The following ARID1B variants were observed in gnomAD, a reference collection of about 807,000 sequenced individuals.
ARID1B encodes the protein AT-rich interaction domain 1B, also known as AT-rich interactive domain-containing protein 1B.
ARID1B carries 30 observed loss-of-function variants against 212.3 expected under a neutral mutation model. That is an observed-to-expected ratio of 0.14 (90% CI 0.11 to 0.19). The LOEUF (loss-of-function observed/expected upper bound fraction) is 0.19. Ranked by LOEUF, ARID1B falls within the 10% of genes least tolerant of loss-of-function variation. The pLI is 1.00. For missense variants in ARID1B, 2,891 were observed against 3,204.0 expected (o/e 0.90, Z 2.36); for synonymous variants, 1,402 against 1,301.7 (o/e 1.08, Z -1.66).
Position 156,901,533 on chromosome 6 carries a change from C to T in ARID1B, c.2136+8C>T. The stretch of plus-strand genomic sequence containing the variant: ...AGGTACCAGCCGCAGCAGGTGAGCA[C>T]AGTGCACTGCCCCGCAGGGCCCTGT... On this transcript the variant is annotated splice_region_variant and intron_variant, in intron 3 of 19. Transcript: ENST00000636930. The T allele has an allele frequency of 6.2e-7, 1 of 1,612,406 alleles. No homozygotes were observed. Among genetic ancestry groups the T allele is most frequent in the Non-Finnish European group, 8.5e-7 (1 of 1,179,510 alleles).
At chr6:157,180,757 G>T (rs527597660) in intron 11 of ARID1B, among the ~76,000 whole-genome samples, 1 of 152,242 alleles carries the variant, frequency 6.6e-6, no homozygotes, top group East Asian at 1.9e-4. Flanking sequence ...GGGAGTTTGG[G>T]CCTTTTATTT....
intron 8 of ARID1B, among the ~76,000 whole-genome samples, chr6:157,160,029 A>G (rs1231971967): frequency 6.6e-6 from 1 of 152,250 alleles, no homozygotes; most frequent in Non-Finnish European, 1.5e-5. Flanking sequence ...GAGCTGGAAG[A>G]TAACTGGTAG....
intron 2 of ARID1B, among the ~76,000 whole-genome samples, chr6:156,860,422 A>AG (rs1785249153): frequency 6.6e-6 from 1 of 152,160 alleles, no homozygotes; most frequent in Admixed American, 6.5e-5. Flanking sequence ...GAAACAGGAC[A>AG]GAAGCCTGTT....
At chr6:157,127,535 G>T (rs1788212709) in intron 6 of ARID1B, among the ~76,000 whole-genome samples, 1 of 151,806 alleles carries the variant, frequency 6.6e-6, no homozygotes, top group Admixed American at 6.6e-5. Flanking sequence ...ACTTTGGGAG[G>T]CCGAGGTGGG....
chr6:156,780,456 G>A (rs998477583), intron 1 of ARID1B: 1 of 152,232 alleles, frequency 6.6e-6, no homozygotes, highest in African/African-American at 2.4e-5. Flanking sequence ...AGACTGACTT[G>A]ATCTCCTTTG....
rs2128326059 is a variant in ARID1B at position 157,184,426 on chromosome 6, C to A, written c.3910C>A (p.Pro1304Thr). ...CAAAAAGCAGCCCAAGCTCCAGCCG[C>A]CATCTCCTGGTAAGTGGCGGCGCTG... is the stretch of plus-strand genomic sequence containing the variant. Reference protein sequence around the residue: ...DTKKQPKLQPPSPANSGSLQG... With the variant: ...DTKKQPKLQPTSPANSGSLQG... The change falls in exon 13 of 20, where the codon CCA (proline) becomes ACA (threonine). Residue 1304 changes from proline (P) to threonine (T), a missense_variant. By Grantham distance (38) the Pro-to-Thr change is conservative (BLOSUM62 -1). Transcript: ENST00000636930. The A allele has an allele frequency of 6.2e-7, 1 of 1,614,064 alleles. No homozygotes were observed. The highest frequency in any genetic ancestry group is 1.1e-5 in the South Asian group (1 of 91,082).
At chr6:157,013,618 C>G (rs890369631) in intron 4 of ARID1B, among the ~76,000 whole-genome samples, 1 of 152,188 alleles carries the variant, frequency 6.6e-6, no homozygotes, top group African/African-American at 2.4e-5. Flanking sequence ...CTCAAAATAA[C>G]CCTGGTATCC....
intron 10 of ARID1B, 59 bp downstream of exon 10, chr6:157,174,176 G>C: frequency 2.7e-6 from 4 of 1,486,732 alleles, no homozygotes; most frequent in Non-Finnish European, 3.8e-6. Flanking sequence ...CTGCCATGTC[G>C]TTCTCTCTTC....
intron 2 of ARID1B, among the ~76,000 whole-genome samples, chr6:156,899,288 T>C (rs1788735764): frequency 6.6e-6 from 1 of 152,142 alleles, no homozygotes; most frequent in Admixed American, 6.5e-5. Flanking sequence ...AAAGATTCTT[T>C]GGGTAAACTA....
intron 2 of ARID1B, among the ~76,000 whole-genome samples, chr6:156,882,286 T>G (rs1196033329): frequency 6.6e-6 from 1 of 152,214 alleles, no homozygotes; most frequent in African/African-American, 2.4e-5. Flanking sequence ...TTGGCCAGCC[T>G]GCCTCTCTGC....
chr6:156,926,555 A>G (rs1025104327), intron 3 of ARID1B, among the ~76,000 whole-genome samples: 8 of 152,156 alleles, frequency 5.3e-5, no homozygotes, highest in African/African-American at 1.2e-4. Context: ...GAAATTTCCA[A>G]ATGTAAACAG....
chr6:157,207,453 A>C lies in ARID1B; in HGVS notation c.6681A>C (p.Pro2227=), dbSNP rs917310591. The C allele has an allele frequency of 6.2e-7, 1 of 1,614,004 alleles. No individual in the cohort carries two copies. The highest frequency in any genetic ancestry group is 1.3e-5 in the African/African-American group (1 of 74,890). Reference sequence around the variant, plus strand: ...TGGACCTGATCTTGGCCACTCCTCCATTTAGTCGTCAGGAGAAATTCTATG... The same window carrying C: ...TGGACCTGATCTTGGCCACTCCTCCCTTTAGTCGTCAGGAGAAATTCTATG... ...NNVDLILATP[P]FSRQEKFYAT... is the part of the protein sequence containing the mutation. The change falls in exon 20 of 20, where the codon CCA becomes CCC. Residue 2227 remains proline (P), a synonymous_variant. Transcript: ENST00000636930. This position sits in a 1 kb window ranked among gnomAD's most constrained non-coding sequence, Gnocchi z 8.5.
intron 4 of ARID1B, chr6:157,036,644 A>G (rs937683536): frequency 2.9e-6 from 1 of 341,184 alleles, no homozygotes; most frequent in Non-Finnish European, 5.8e-6. Flanking sequence ...ACTGAAACCC[A>G]GACGGTGACT....
At chr6:156,835,013 C>T (rs288526) in intron 2 of ARID1B, among the ~76,000 whole-genome samples, 100,799 of 151,774 alleles carry the variant, frequency 0.66, 34,069 homozygotes, top group African/African-American at 0.77. Context: ...GGTGGGCGGA[C>T]CACGAGGTCA....
intron 1 of ARID1B, among the ~76,000 whole-genome samples, chr6:156,806,411 T>A (rs1781159578): frequency 6.6e-6 from 1 of 152,254 alleles, no homozygotes; most frequent in Non-Finnish European, 1.5e-5. Context: ...GCTCTCTACG[T>A]GTCCTTTCTT....
chr6:156,946,249 G>A (rs1380663263), intron 4 of ARID1B, among the ~76,000 whole-genome samples: 2 of 151,684 alleles, frequency 1.3e-5, no homozygotes, highest in Admixed American at 1.3e-4. Context: ...GTGCACGCCT[G>A]TTATCCCAGC....
chr6:157,136,385 C>T (rs1788909777), intron 7 of ARID1B, among the ~76,000 whole-genome samples: 1 of 152,114 alleles, frequency 6.6e-6, no homozygotes, highest in African/African-American at 2.4e-5. Flanking sequence ...GGCCAGGGTT[C>T]CCACCAGCAG....
At chr6:157,153,785 G>A (rs1325031867) in intron 8 of ARID1B, among the ~76,000 whole-genome samples, 2 of 152,294 alleles carry the variant, frequency 1.3e-5, no homozygotes, top group Admixed American at 6.5e-5. Context: ...ACAGGCACGT[G>A]CCACCATACC....
chr6:157,188,163 C>G (rs1336925282), intron 13 of ARID1B, among the ~76,000 whole-genome samples: 1 of 151,624 alleles, frequency 6.6e-6, no homozygotes, highest in Non-Finnish European at 1.5e-5. Flanking sequence ...ACCTATGTAA[C>G]AAACCTGCAC....
Sources: gnomAD v4.1 joint callset for allele counts (sites outside exome capture counted in the v4.1 genomes callset) on GRCh38, gnomAD v4.1.1 for gene constraint, Gnocchi (gnomAD v3.1) non-coding constraint, MANE v1.5 for transcripts, NCBI Gene and HGNC (gene_info 2026-07-23, HGNC 2026-07-21) for gene names.